NEBL: variants seen among roughly 807,000 people sequenced by gnomAD.
NEBL encodes the protein LIM and SH3 protein 2.
A neutral mutation model predicts 140.2 loss-of-function variants in NEBL; 122 were observed. The ratio of observed to expected loss-of-function variants is 0.87; its 90% CI spans 0.75 to 1.01. NEBL has a LOEUF of 1.01. Ranked by LOEUF, NEBL falls within the 50% of genes least tolerant of loss-of-function variation. The pLI is 0.00. For missense variants in NEBL, 1,365 were observed against 1,231.3 expected, an observed-to-expected ratio of 1.11 and a Z score of -1.62; for synonymous variants, 436 against 398.9, an observed-to-expected ratio of 1.09 and a Z score of -1.11.
chr10:21,224,397 T>A (rs1052789386), intron 3 of NEBL, among the ~76,000 whole-genome samples: 1 of 152,220 alleles, frequency 6.6e-6, no homozygotes, highest in African/African-American at 2.4e-5. Context: ...GCCAGTGCCA[T>A]GCTGTTTTGA....
chr10:20,983,445 G>T (rs1364339309), intron 3 of NEBL, among the ~76,000 whole-genome samples: 1 of 152,166 alleles, frequency 6.6e-6, no homozygotes, highest in African/African-American at 2.4e-5. Flanking sequence ...AATAAAGGGA[G>T]TTTTCTGATT....
At position 21,210,406 on chromosome 10, in the gene NEBL, A is replaced by G. The variant is rs140033714; in HGVS notation, n.348+37515T>C. 5.3e-3 allele frequency among the ~76,000 whole-genome samples: 800 copies of G among 152,282 alleles called. 7 individuals are homozygous for G. The highest frequency in any genetic ancestry group is 0.018 in the African/African-American group (768 of 41,552). Reference sequence around the variant, plus strand: ...AAATTCTGTCTCAAAAAAAAGAAAGAAAGAAAAACATCCTAACTAAGAAAA... The same window carrying G: ...AAATTCTGTCTCAAAAAAAAGAAAGGAAGAAAAACATCCTAACTAAGAAAA... On this transcript the variant is annotated intron_variant and non_coding_transcript_variant, in intron 3 of 8. Transcript: ENST00000675702.
At chr10:20,946,234 ATGT>A (rs1194616536) in intron 4 of NEBL, among the ~76,000 whole-genome samples, 1 of 152,130 alleles carries the variant, frequency 6.6e-6, no homozygotes, top group Non-Finnish European at 1.5e-5. Context: ...CAAAGTCTAC[ATGT>A]TGTTTCTGCA....
At chr10:21,090,743 G>A (rs1351396403) in intron 2 of NEBL, among the ~76,000 whole-genome samples, 1 of 152,126 alleles carries the variant, frequency 6.6e-6, no homozygotes, top group African/African-American at 2.4e-5. Context: ...ACCTGGTTTT[G>A]TCATTAGCCA....
chr10:20,884,926 G>A (rs185879163), intron 4 of NEBL, among the ~76,000 whole-genome samples: 37 of 152,308 alleles, frequency 2.4e-4, no homozygotes, highest in African/African-American at 8.7e-4. Flanking sequence ...TAATAAAATG[G>A]CCTCCTAAAA....
intron 12 of NEBL, among the ~76,000 whole-genome samples, chr10:20,844,416 AC>A (rs1841708893): frequency 6.6e-6 from 1 of 150,712 alleles, no homozygotes; most frequent in South Asian, 2.1e-4. Flanking sequence ...TACATGATAT[AC>A]TACATTTATA....
chr10:21,131,352 A>G (rs1220194857), intron 2 of NEBL, among the ~76,000 whole-genome samples: 1 of 152,216 alleles, frequency 6.6e-6, no homozygotes, highest in African/African-American at 2.4e-5. Flanking sequence ...TCTCTTTCAG[A>G]GAATAAGAGC....
chr10:21,035,427 T>G (rs1435954748), intron 2 of NEBL, among the ~76,000 whole-genome samples: 1 of 152,102 alleles, frequency 6.6e-6, no homozygotes, highest in African/African-American at 2.4e-5. Context: ...ACCCCGACTA[T>G]TCTCCTCACC....
At chr10:21,118,554 G>C (rs1838384485) in intron 2 of NEBL, among the ~76,000 whole-genome samples, 2 of 151,788 alleles carry the variant, frequency 1.3e-5, no homozygotes, top group South Asian at 4.1e-4. Flanking sequence ...CCAACCTCTG[G>C]GGAAAGATTT....
At chr10:21,115,605 A>T (rs562817419) in intron 2 of NEBL, among the ~76,000 whole-genome samples, 16 of 151,940 alleles carry the variant, frequency 1.1e-4, no homozygotes, top group African/African-American at 3.9e-4. Flanking sequence ...TCCAACAAGG[A>T]GTTCGCTCAA....
At chr10:21,025,359 C>G (rs1838983048) in intron 2 of NEBL, among the ~76,000 whole-genome samples, 2 of 152,122 alleles carry the variant, frequency 1.3e-5, no homozygotes, top group Non-Finnish European at 2.9e-5. Context: ...ACTGAGCTGA[C>G]AGTTGCAACA....
intron 11 of NEBL, among the ~76,000 whole-genome samples, chr10:20,847,515 G>C (rs16921139): frequency 6.6e-6 from 1 of 151,926 alleles, no homozygotes; most frequent in Admixed American, 6.6e-5. Flanking sequence ...TCAGTGAAAG[G>C]AAAGTTATCC....
intron 21 of NEBL, among the ~76,000 whole-genome samples, chr10:20,816,142 T>C (rs1214310186): frequency 6.6e-6 from 1 of 152,188 alleles, no homozygotes; most frequent in Non-Finnish European, 1.5e-5. Flanking sequence ...GAGGTTGAGT[T>C]GTATTTAAAA....
chr10:21,051,374 G>C (rs1429910632), intron 2 of NEBL, among the ~76,000 whole-genome samples: 7 of 152,198 alleles, frequency 4.6e-5, no homozygotes, highest in Admixed American at 4.6e-4. Context: ...TAAGCTAAAA[G>C]GAGTAGAGAT....
At chr10:20,828,810 C>T (rs1446687149) in intron 16 of NEBL, among the ~76,000 whole-genome samples, 176 bp from the exon 17 acceptor site, 1 of 151,670 alleles carries the variant, frequency 6.6e-6, no homozygotes, top group South Asian at 2.1e-4. Context: ...AGAATGATAC[C>T]ATTCTTCGAT....
chr10:20,898,371 A>C (rs1213999620), upstream of NEBL, among the ~76,000 whole-genome samples: 1 of 152,124 alleles, frequency 6.6e-6, no homozygotes, highest in East Asian at 1.9e-4. Flanking sequence ...AATTTATTAA[A>C]AATAGTATGT....
intron 14 of NEBL, among the ~76,000 whole-genome samples, chr10:20,832,351 A>T (rs2130914607): frequency 6.6e-6 from 1 of 152,294 alleles, no homozygotes; most frequent in East Asian, 1.9e-4. Context: ...ATATCTCATT[A>T]TTTGAGTCCT....
intron 3 of NEBL, among the ~76,000 whole-genome samples, chr10:21,227,623 T>G (rs1213543735): frequency 1.3e-5 from 2 of 152,058 alleles, no homozygotes; most frequent in Non-Finnish European, 2.9e-5. Context: ...CAGGAAATAT[T>G]GCACTAAGGG....
chr10:21,237,216 T>C (rs1842366319), intron 3 of NEBL, among the ~76,000 whole-genome samples: 1 of 152,228 alleles, frequency 6.6e-6, no homozygotes. Flanking sequence ...TTTGTTTTGT[T>C]TTGTTTGAGA....
Sources: allele counts gnomAD v4.1 joint callset (sites outside exome capture counted in the v4.1 genomes callset), GRCh38; gene constraint gnomAD v4.1.1; transcripts MANE v1.5; gene names NCBI Gene and HGNC (gene_info 2026-07-23, HGNC 2026-07-21).